Variants in CRPPA observed in about 807,000 individuals in gnomAD.
CRPPA encodes the protein D-ribitol-5-phosphate cytidylyltransferase.
CRPPA carries 43 observed loss-of-function variants against 52.0 expected under a neutral mutation model. The ratio of observed to expected loss-of-function variants is 0.83; its 90% CI spans 0.65 to 1.07. CRPPA has a LOEUF of 1.07. CRPPA is among the 50% of genes least tolerant of loss of function. The pLI is 0.00. For missense variants in CRPPA, 629 were observed against 551.7 expected (o/e 1.14, Z -1.40); for synonymous variants, 250 against 203.5 (o/e 1.23, Z -1.94).
At chr7:16,232,426 T>C (rs1389158367) in intron 8 of CRPPA, among the ~76,000 whole-genome samples, 4 of 152,198 alleles carry the variant, frequency 2.6e-5, no homozygotes, top group Non-Finnish European at 1.5e-5. Context: ...CTCTCTGCCA[T>C]GTGCACTTGT....
chr7:16,308,926 T>A (rs533086720), intron 3 of CRPPA, among the ~76,000 whole-genome samples: 8 of 152,206 alleles, frequency 5.3e-5, no homozygotes, highest in Non-Finnish European at 1.0e-4. Context: ...TTCCTTTGCT[T>A]ATAAGTTACC....
intron 8 of CRPPA, among the ~76,000 whole-genome samples, chr7:16,252,133 C>T (rs1171996070): frequency 6.6e-6 from 1 of 152,076 alleles, no homozygotes; most frequent in Non-Finnish European, 1.5e-5. Flanking sequence ...CCCTGTTGAA[C>T]ATCGATGTGA....
intron 4 of CRPPA, among the ~76,000 whole-genome samples, chr7:16,302,603 A>G (rs879885461): frequency 2.0e-5 from 3 of 152,162 alleles, no homozygotes; most frequent in Non-Finnish European, 2.9e-5. Flanking sequence ...AGAAATTCCT[A>G]CCATATTATT....
chr7:16,236,948 G>GCACACACA (rs144008834), intron 8 of CRPPA, among the ~76,000 whole-genome samples: 101 of 140,940 alleles, frequency 7.2e-4, no homozygotes, highest in Non-Finnish European at 1.3e-3. Context: ...TTTCGTGCGC[G>GCACACACA]CGCACACACA....
At chr7:16,270,917 T>C (rs917994268) in intron 6 of CRPPA, among the ~76,000 whole-genome samples, 2 of 152,256 alleles carry the variant, frequency 1.3e-5, no homozygotes, top group East Asian at 3.9e-4. Context: ...ATGTGTTGTT[T>C]GACTAATATG....
intron 9 of CRPPA, among the ~76,000 whole-genome samples, chr7:16,109,315 T>G (rs549770954): frequency 1.3e-5 from 2 of 151,782 alleles, no homozygotes; most frequent in African/African-American, 2.4e-5. Context: ...CCAGAATAAA[T>G]GCATAAATTC....
chr7:16,408,568 A>T (rs1788008604), intron 1 of CRPPA, among the ~76,000 whole-genome samples: 1 of 152,198 alleles, frequency 6.6e-6, no homozygotes, highest in African/African-American at 2.4e-5. Flanking sequence ...GAAAAGCTTT[A>T]AGCAGGTGAG....
chr7:16,383,019 G>A (rs1317281065), intron 2 of CRPPA, among the ~76,000 whole-genome samples: 1 of 152,220 alleles, frequency 6.6e-6, no homozygotes, highest in Non-Finnish European at 1.5e-5. Context: ...GTCTAGCTTT[G>A]TTCCATTGCT....
intron 9 of CRPPA, among the ~76,000 whole-genome samples, chr7:16,141,153 T>C (rs373537485): frequency 3.3e-5 from 5 of 152,288 alleles, no homozygotes; most frequent in East Asian, 3.9e-4. Context: ...TCAAGTGCCA[T>C]TGGGACACAG....
chr7:16,387,889 C>G (rs1787330200), intron 2 of CRPPA, among the ~76,000 whole-genome samples: 1 of 152,106 alleles, frequency 6.6e-6, no homozygotes, highest in South Asian at 2.1e-4. Context: ...TATGCTGGAC[C>G]ATAAAACAAG....
chr7:16,171,161 T>A (rs1237758012), intron 9 of CRPPA, among the ~76,000 whole-genome samples: 3 of 152,192 alleles, frequency 2.0e-5, no homozygotes, highest in African/African-American at 7.2e-5. Context: ...AAGGATAGAT[T>A]TTTGGCAGAA....
At chr7:16,379,645 T>C (rs1454796615) in intron 2 of CRPPA, among the ~76,000 whole-genome samples, 1 of 152,194 alleles carries the variant, frequency 6.6e-6, no homozygotes, top group Non-Finnish European at 1.5e-5. Flanking sequence ...TTCCATTTCT[T>C]TGTATCCTCT....
intron 8 of CRPPA, among the ~76,000 whole-genome samples, chr7:16,253,669 T>C (rs903470365): frequency 6.6e-6 from 1 of 152,112 alleles, no homozygotes; most frequent in African/African-American, 2.4e-5. Flanking sequence ...ATTCAGGACA[T>C]AGGCATGGGC....
At chr7:16,389,921 AAAAAAAAATAT>A (rs1650988900) in intron 2 of CRPPA, among the ~76,000 whole-genome samples, 1 of 80,982 alleles carries the variant, frequency 1.2e-5, no homozygotes, top group African/African-American at 5.3e-5. Context: ...TACAAAAAAA[AAAAAAAAATAT>A]ATATATATAT....
intron 3 of CRPPA, among the ~76,000 whole-genome samples, chr7:16,327,401 G>A (rs1285640884): frequency 6.6e-6 from 1 of 151,290 alleles, no homozygotes; most frequent in East Asian, 2.0e-4. Context: ...GACCATCCTG[G>A]CTAACAAGGT....
intron 3 of CRPPA, among the ~76,000 whole-genome samples, chr7:16,315,393 G>A (rs1436894057): frequency 2.0e-5 from 3 of 152,038 alleles, no homozygotes; most frequent in South Asian, 2.1e-4. Flanking sequence ...CTTATACTTC[G>A]TAAATTTTCC....
chr7:16,342,778 A>ATATATATAT (rs1486644014), intron 3 of CRPPA, among the ~76,000 whole-genome samples: 1 of 67,542 alleles, frequency 1.5e-5, no homozygotes, highest in Non-Finnish European at 2.9e-5. Context: ...AAAAAAAAAA[A>ATATATATAT]AAAAATATAT....
chr7:16,372,455 T>C (rs371492061), intron 3 of CRPPA, among the ~76,000 whole-genome samples: 8 of 152,276 alleles, frequency 5.3e-5, no homozygotes, highest in Middle Eastern at 3.4e-3. Flanking sequence ...CTAAGCTTCA[T>C]AAATGAAGGA....
At chr7:16,215,845 G>A (rs1051760749) in intron 9 of CRPPA, among the ~76,000 whole-genome samples, 10 of 152,176 alleles carry the variant, frequency 6.6e-5, no homozygotes, top group Non-Finnish European at 1.5e-4. Context: ...CCTAATATGA[G>A]ATGTTTGCTC....
Sources: allele counts gnomAD v4.1 joint callset (sites outside exome capture counted in the v4.1 genomes callset), GRCh38; gene constraint gnomAD v4.1.1; transcripts MANE v1.5; gene names NCBI Gene and HGNC (gene_info 2026-07-23, HGNC 2026-07-21).